AGT: variants seen among roughly 807,000 people sequenced by gnomAD.
AGT encodes alpha-1 antiproteinase, antitrypsin.
In AGT, 26 loss-of-function variants were observed where a neutral mutation model predicts 28.1. The ratio of observed to expected loss-of-function variants is 0.92; its 90% CI spans 0.68 to 1.28. The LOEUF (loss-of-function observed/expected upper bound fraction) is 1.28, where lower values mean the gene tolerates loss of function less well. Ranked by LOEUF, AGT falls within the 50% of genes most tolerant of loss-of-function variation. The pLI is 0.00. For synonymous variants in AGT, 259 were observed against 259.6 expected (o/e 1.00, Z 0.02); for missense variants, 596 against 592.3 (o/e 1.01, Z -0.06).
At chr1:230,741,179 T>A (rs1462530052) in intron 1 of AGT, among the ~76,000 whole-genome samples, 1 of 152,078 alleles carries the variant, frequency 6.6e-6, no homozygotes, top group Non-Finnish European at 1.5e-5. Flanking sequence ...GTTTAAGGAG[T>A]GAAACTACTT....
intron 1 of AGT, among the ~76,000 whole-genome samples, chr1:230,720,984 G>A (rs1008454089): frequency 6.6e-6 from 1 of 152,208 alleles, no homozygotes; most frequent in Non-Finnish European, 1.5e-5. Context: ...AGCCAGACCT[G>A]GCCCAGGGGG....
intron 1 of AGT, among the ~76,000 whole-genome samples, chr1:230,735,390 A>C (rs1664138959): frequency 6.6e-6 from 1 of 152,226 alleles, no homozygotes; most frequent in Non-Finnish European, 1.5e-5. Context: ...TGAGATCCTC[A>C]AACTCAATGA....
chr1:230,730,929 C>T (rs1664040503), intron 1 of AGT, among the ~76,000 whole-genome samples: 1 of 152,196 alleles, frequency 6.6e-6, no homozygotes, highest in Non-Finnish European at 1.5e-5. Flanking sequence ...TCCACTGAAA[C>T]TGCTTGCTAT....
chr1:230,713,300 G>A (rs1292863178), intron 1 of AGT, among the ~76,000 whole-genome samples: 3 of 152,152 alleles, frequency 2.0e-5, no homozygotes, highest in Non-Finnish European at 4.4e-5. Flanking sequence ...TGGAGAAGTA[G>A]TTAATGAATT....
intron 1 of AGT, among the ~76,000 whole-genome samples, chr1:230,738,168 A>G (rs2102806570): frequency 6.6e-6 from 1 of 152,356 alleles, no homozygotes; most frequent in Non-Finnish European, 1.5e-5. Flanking sequence ...ATTCATGAAT[A>G]AGTTTTGTGT....
chr1:230,706,225 AG>A, intron 2 of AGT, 25 bp from the exon 3 acceptor site: 3 of 1,610,802 alleles, frequency 1.9e-6, no homozygotes, highest in Non-Finnish European at 2.5e-6. Context: ...GGAGACAGGG[AG>A]GGAAGAGTCA....
intron 1 of AGT, among the ~76,000 whole-genome samples, chr1:230,723,972 G>C (rs1663891903): frequency 6.6e-6 from 1 of 152,146 alleles, no homozygotes; most frequent in South Asian, 2.1e-4. Context: ...GGTCAACCTG[G>C]CAACTAAAGA....
chr1:230,716,888 G>C (rs1432755771), upstream of AGT, among the ~76,000 whole-genome samples: 1 of 151,938 alleles, frequency 6.6e-6, no homozygotes, highest in Admixed American at 6.6e-5. Context: ...TATTAGTCAG[G>C]CAGGTGCTAT....
intron 1 of AGT, among the ~76,000 whole-genome samples, chr1:230,732,700 G>C (rs1335473739): frequency 1.3e-5 from 2 of 152,148 alleles, no homozygotes; most frequent in Non-Finnish European, 2.9e-5. Flanking sequence ...TCGTAACAAA[G>C]AGAAAACATA....
chr1:230,706,523 C>T (rs549418789), intron 2 of AGT, among the ~76,000 whole-genome samples: 1 of 152,238 alleles, frequency 6.6e-6, no homozygotes, highest in Non-Finnish European at 1.5e-5. Context: ...GCCAGGTCAA[C>T]TCAAACCTAG....
rs979815585 is a variant in AGT at position 230,703,011 on chromosome 1, T to C, written c.*130A>G. 2.3e-5 allele frequency: 24 copies of C among 1,055,882 alleles called. No individual in the cohort carries two copies. In the African/African-American group the frequency reaches 3.5e-4, roughly 15 times the overall value. The allele number at this position is 1,055,882 out of a possible 1,614,324, so 65.4% of individuals were successfully genotyped here. ...TGCTTTCCAGCTCAAAGTCGACTCA[T>C]TAGAAGAAAAGGTGGGAGACTGGGG... is the stretch of plus-strand genomic sequence containing the variant. On this transcript the variant is annotated 3_prime_UTR_variant, in exon 5 of 5. Transcript: ENST00000366667.
At chr1:230,730,675 T>C (rs1171753421) in intron 1 of AGT, among the ~76,000 whole-genome samples, 1 of 152,216 alleles carries the variant, frequency 6.6e-6, no homozygotes, top group Non-Finnish European at 1.5e-5. Flanking sequence ...TGTGTAACAC[T>C]TTCTGGTTTA....
At chr1:230,719,406 G>GT (rs57830002), upstream of AGT, among the ~76,000 whole-genome samples, 877 of 100,282 alleles carry the variant, frequency 8.7e-3, 10 homozygotes, top group East Asian at 0.014. Context: ...TTATCATTAT[G>GT]TTTTTTTTTT....
intron 3 of AGT, among the ~76,000 whole-genome samples, chr1:230,705,085 G>A (rs1171326245): frequency 2.0e-5 from 3 of 152,106 alleles, no homozygotes; most frequent in African/African-American, 7.2e-5. Flanking sequence ...GGTTGCCGGG[G>A]CCAAGGGGAA....
rs771675649 is a variant in AGT at position 230,710,725 on chromosome 1, G to C, written c.99C>G (p.His33Gln). 1.2e-6 allele frequency: 2 copies of C among 1,614,142 alleles called. No homozygotes were observed. The highest frequency in any genetic ancestry group is 2.2e-5 in the East Asian group (1 of 44,876). Residue 33 changes from histidine to glutamine, a missense_variant, in exon 2 of 5, where the codon CAC becomes CAG. Coordinates refer to ENST00000366667, the MANE Select transcript of AGT (RefSeq NM_001384479.1). ...AGDRVYIHPF[H>Q]LVIHNESTCE... ...AGGTACTCTCATTGTGGATGACGAG[G>C]TGGAAGGGGTGTATGTACACCCGGT...
chr1:230,712,653 T>C (rs965960229), intron 1 of AGT, among the ~76,000 whole-genome samples: 2 of 152,236 alleles, frequency 1.3e-5, no homozygotes, highest in African/African-American at 4.8e-5. Context: ...CGCTGGTCGA[T>C]GCAGCCCGCT....
chr1:230,716,463 T>C (rs1206840089), upstream of AGT, among the ~76,000 whole-genome samples: 1 of 152,198 alleles, frequency 6.6e-6, no homozygotes, highest in African/African-American at 2.4e-5. Context: ...CCATCTGATA[T>C]GGTTTGGCTG....
rs554674152 is a variant in AGT at position 230,703,084 on chromosome 1, T to C, written c.*57A>G. The C allele has an allele frequency of 1.3e-6, 2 of 1,584,602 alleles. No individual in the cohort carries two copies. Among genetic ancestry groups the C allele is most frequent in the East Asian group, 2.2e-5 (1 of 44,502 alleles). ...GGGGTTGTTATCTGCTGCTGGCCTTTGCCTCAAAGGCCAGGGGCAGAGGCC... is the reference window on the plus strand; with the variant it reads ...GGGGTTGTTATCTGCTGCTGGCCTTCGCCTCAAAGGCCAGGGGCAGAGGCC... On this transcript the variant is annotated 3_prime_UTR_variant, in exon 5 of 5. Transcript: ENST00000366667.
At chr1:230,703,558 A>G (rs1015514373) in intron 4 of AGT, among the ~76,000 whole-genome samples, 5 of 152,154 alleles carry the variant, frequency 3.3e-5, no homozygotes, top group Non-Finnish European at 2.9e-5. Flanking sequence ...CCAAACTCAC[A>G]TGCCGGCTCC....
Sources: allele counts gnomAD v4.1 joint callset (sites outside exome capture counted in the v4.1 genomes callset), GRCh38; gene constraint gnomAD v4.1.1; transcripts MANE v1.5; gene names NCBI Gene and HGNC (gene_info 2026-07-23, HGNC 2026-07-21).